CNTN5: variants seen among roughly 807,000 people sequenced by gnomAD.
CNTN5 encodes contactin 5.
In CNTN5, 77 loss-of-function variants were observed where a neutral mutation model predicts 129.1. That is an observed-to-expected ratio of 0.60 (90% CI 0.50 to 0.72). The LOEUF is 0.72. Among genes scored for constraint, CNTN5 ranks in the 30% least tolerant of loss-of-function variants. The probability of loss-of-function intolerance (pLI) is 0.00; values close to 1 mark genes in which losing one functional copy is unlikely to be tolerated. For synonymous variants in CNTN5, 509 were observed against 465.6 expected (o/e 1.09, Z -1.20); for missense variants, 1,478 against 1,328.8 (o/e 1.11, Z -1.75).
intron 8 of CNTN5, among the ~76,000 whole-genome samples, chr11:99,982,843 G>T (rs553670814): frequency 6.6e-6 from 1 of 151,978 alleles, no homozygotes; most frequent in Non-Finnish European, 1.5e-5. Flanking sequence ...GGGTTTCACC[G>T]TATTAGCCAG....
intron 2 of CNTN5, among the ~76,000 whole-genome samples, chr11:99,391,339 T>G (rs577813187): frequency 7.2e-4 from 110 of 152,268 alleles, no homozygotes; most frequent in African/African-American, 2.6e-3. Flanking sequence ...TTTCTTCTTC[T>G]TTGTCATCTA....
At chr11:100,126,153 G>A (rs1276758881) in intron 13 of CNTN5, among the ~76,000 whole-genome samples, 1 of 152,098 alleles carries the variant, frequency 6.6e-6, no homozygotes, top group Non-Finnish European at 1.5e-5. Context: ...GTATTCCACT[G>A]TGACCCAAGA....
At chr11:99,214,066 A>G (rs1859982140) in intron 1 of CNTN5, among the ~76,000 whole-genome samples, 1 of 152,160 alleles carries the variant, frequency 6.6e-6, no homozygotes, top group Non-Finnish European at 1.5e-5. Flanking sequence ...GGGCAATGAA[A>G]CAAGCTACAC....
chr11:100,256,590 A>G (rs1233405883), intron 17 of CNTN5, among the ~76,000 whole-genome samples: 1 of 152,056 alleles, frequency 6.6e-6, no homozygotes, highest in African/African-American at 2.4e-5. Context: ...TGCATTTCCA[A>G]TTGAGGTACT....
chr11:100,287,133 G>T (rs1005962595), intron 18 of CNTN5, among the ~76,000 whole-genome samples: 4 of 152,242 alleles, frequency 2.6e-5, no homozygotes, highest in South Asian at 4.2e-4. Context: ...ACGTCTGATT[G>T]GTGTACCTGA....
chr11:99,504,819 C>A (rs1302760535), intron 2 of CNTN5, among the ~76,000 whole-genome samples: 1 of 152,146 alleles, frequency 6.6e-6, no homozygotes. Flanking sequence ...CTTGAAATTG[C>A]ATTACAGATA....
intron 23 of CNTN5, among the ~76,000 whole-genome samples, chr11:100,349,839 CT>C (rs1160917317): frequency 6.6e-6 from 1 of 151,760 alleles, no homozygotes; most frequent in African/African-American, 2.4e-5. Context: ...TAAAATAGCT[CT>C]GAAGTGATGA....
At chr11:99,925,442 A>G (rs1210285201) in intron 7 of CNTN5, among the ~76,000 whole-genome samples, 2 of 152,204 alleles carry the variant, frequency 1.3e-5, no homozygotes, top group African/African-American at 4.8e-5. Flanking sequence ...TGTCCTTTTA[A>G]CACTCCTTCA....
chr11:100,246,228 G>A (rs1403873917), intron 16 of CNTN5, among the ~76,000 whole-genome samples: 2 of 152,088 alleles, frequency 1.3e-5, no homozygotes, highest in African/African-American at 2.4e-5. Context: ...AAAGTACTTT[G>A]TACATACATC....
chr11:99,056,989 A>C (rs10790433), intron 1 of CNTN5, among the ~76,000 whole-genome samples: 1 of 151,634 alleles, frequency 6.6e-6, no homozygotes, highest in African/African-American at 2.4e-5. Context: ...TTCTCAACTC[A>C]CCTGGAATAC....
At chr11:99,176,768 T>C (rs75974397) in intron 1 of CNTN5, among the ~76,000 whole-genome samples, 10,083 of 152,226 alleles carry the variant, frequency 0.066, 425 homozygotes, top group Non-Finnish European at 0.098. Context: ...AAAATTCTAA[T>C]TGGTCCCTGA....
Position 100,166,480 on chromosome 11 carries a change from T to C in CNTN5, c.1581-24646T>C, listed in dbSNP as rs576931217. ...ATATTATTCAAGGTAAGTGTTGGCA[T>C]CCTAACTGTATATGGCCTCCAAATA... On this transcript the variant is annotated intron_variant, in intron 13 of 24. Coordinates refer to ENST00000524871, the MANE Select transcript of CNTN5 (RefSeq NM_014361.4). 7.2e-5 allele frequency among the ~76,000 whole-genome samples: 11 copies of C among 151,868 alleles called. No homozygotes were observed. The South Asian group carries it at 2.3e-3, about 31-fold the overall frequency.
intron 3 of CNTN5, among the ~76,000 whole-genome samples, chr11:99,720,437 AT>A (rs36002351): frequency 0.11 from 16,932 of 152,110 alleles, 1,500 homozygotes; most frequent in East Asian, 0.32. Context: ...GATGTAGAAA[AT>A]GCTTTTGATA....
In CNTN5 at chr11:99,201,063, C is replaced by T. The variant is rs946091295; in HGVS notation, c.-209-124283C>T. Among the ~76,000 whole-genome samples, 10 of 115,932 alleles carry T rather than the reference C, an allele frequency of 8.6e-5. No individual in the cohort carries two copies. The South Asian group carries it at 2.4e-3, about 28-fold the overall frequency. 76.1% of individuals were successfully genotyped at this position (115,932 alleles called of 152,430 possible). A position where few individuals can be genotyped will look rare whatever the true frequency, so the allele number is the denominator to read the frequency against. On this transcript the variant is annotated intron_variant, in intron 1 of 24. Transcript: ENST00000524871. ...TTTTTTTTCCAGAGTCTTGACCTGT[C>T]GCCCAGGCTGGAGTGCAGTGGTAGA... is the stretch of plus-strand genomic sequence containing the variant.
intron 1 of CNTN5, among the ~76,000 whole-genome samples, chr11:99,240,136 T>A (rs1861476365): frequency 6.6e-6 from 1 of 152,172 alleles, no homozygotes; most frequent in Non-Finnish European, 1.5e-5. Flanking sequence ...CTATCTCAGA[T>A]TCCTAGTCTT....
intron 8 of CNTN5, among the ~76,000 whole-genome samples, chr11:99,969,014 A>T (rs1407668883): frequency 6.6e-6 from 1 of 152,086 alleles, no homozygotes; most frequent in Non-Finnish European, 1.5e-5. Context: ...ATTTTGGACG[A>T]TTTTTGAATA....
At chr11:99,300,416 C>T (rs1381618699) in intron 1 of CNTN5, among the ~76,000 whole-genome samples, 1 of 151,928 alleles carries the variant, frequency 6.6e-6, no homozygotes, top group Admixed American at 6.6e-5. Flanking sequence ...TGGTGAATTA[C>T]ATTTATTGTT....
intron 1 of CNTN5, among the ~76,000 whole-genome samples, chr11:99,049,168 T>C (rs1044715543): frequency 6.6e-6 from 1 of 152,158 alleles, no homozygotes; most frequent in African/African-American, 2.4e-5. Flanking sequence ...ATTTATATTC[T>C]TTGCACCTGA....
intron 1 of CNTN5, among the ~76,000 whole-genome samples, chr11:99,142,120 C>T (rs1209929972): frequency 6.6e-6 from 1 of 152,154 alleles, no homozygotes. Flanking sequence ...CATGCTAACC[C>T]TGGCAGGCTG....
Sources: gnomAD v4.1 joint callset for allele counts (sites outside exome capture counted in the v4.1 genomes callset) on GRCh38, gnomAD v4.1.1 for gene constraint, MANE v1.5 for transcripts, NCBI Gene and HGNC (gene_info 2026-07-23, HGNC 2026-07-21) for gene names.